INPP5A: variants seen among roughly 807,000 people sequenced by gnomAD.
INPP5A encodes the protein inositol polyphosphate-5-phosphatase A.
INPP5A carries 14 observed loss-of-function variants against 65.2 expected under a neutral mutation model. That is an observed-to-expected ratio of 0.21 (90% confidence interval 0.14 to 0.34). INPP5A has a LOEUF of 0.34. Ranked by LOEUF, INPP5A falls within the 10% of genes least tolerant of loss-of-function variation. The probability of loss-of-function intolerance (pLI) is 1.00; values close to 1 mark genes in which losing one functional copy is unlikely to be tolerated. For missense variants in INPP5A, 431 were observed against 545.6 expected, an observed-to-expected ratio of 0.79 and a Z score of 2.09; for synonymous variants, 207 against 208.3, an observed-to-expected ratio of 0.99 and a Z score of 0.05.
intron 12 of INPP5A, among the ~76,000 whole-genome samples, chr10:132,766,082 G>T (rs1295297412): frequency 3.3e-5 from 5 of 151,876 alleles, no homozygotes; most frequent in Non-Finnish European, 7.4e-5. Context: ...GTGCACATGT[G>T]CACGAGTGTG....
At chr10:132,764,178 A>G (rs922615129) in intron 11 of INPP5A, among the ~76,000 whole-genome samples, 5 of 152,260 alleles carry the variant, frequency 3.3e-5, no homozygotes, top group African/African-American at 9.6e-5. Flanking sequence ...GCACAGGGTA[A>G]TGACTGTGTG....
intron 1 of INPP5A, among the ~76,000 whole-genome samples, chr10:132,596,851 GTGTGTGC>G (rs1590855956): frequency 1.7e-5 from 2 of 118,270 alleles, no homozygotes; most frequent in East Asian, 6.6e-4. Flanking sequence ...GTGCATGCGT[GTGTGTGC>G]ATGTGTGTGC....
intron 9 of INPP5A, among the ~76,000 whole-genome samples, chr10:132,734,987 C>T (rs998389748): frequency 1.7e-4 from 26 of 152,158 alleles, no homozygotes; most frequent in African/African-American, 5.5e-4. Flanking sequence ...CACACAGAGG[C>T]GGGCAGGGCC....
Position 132,749,506 on chromosome 10 carries a change from T to C in INPP5A, c.733-11T>C. On this transcript the variant is annotated splice_polypyrimidine_tract_variant and intron_variant, in intron 9 of 15. Transcript: ENST00000368594. ...CCCCTGGGACTTATCTCCGTTGCTG[T>C]CTTTCTGCAGACGCTCTGCACAAAA... is the stretch of plus-strand genomic sequence containing the variant. 6 of 1,612,420 alleles carry C rather than the reference T, an allele frequency of 3.7e-6. No individual in the cohort carries two copies. The highest frequency in any genetic ancestry group is 5.1e-6 in the Non-Finnish European group (6 of 1,179,616).
At chr10:132,592,849 T>C (rs2133316582) in intron 1 of INPP5A, among the ~76,000 whole-genome samples, 1 of 152,358 alleles carries the variant, frequency 6.6e-6, no homozygotes, top group South Asian at 2.1e-4. Context: ...TGTTGTTTCA[T>C]GCTTCTGTAG....
rs537617904 is a variant in INPP5A at position 132,749,119 on chromosome 10, C to G, written c.733-398C>G. Reference sequence around the variant, plus strand: ...CCCGTTGTCACAGTCGAACAGCTCTCGAGGGAGTTCAGGGACGGGAGAGAG... The same window carrying G: ...CCCGTTGTCACAGTCGAACAGCTCTGGAGGGAGTTCAGGGACGGGAGAGAG... On this transcript the variant is annotated intron_variant, in intron 9 of 15. Coordinates refer to ENST00000368594, the MANE Select transcript of INPP5A (RefSeq NM_005539.5). Among the ~76,000 whole-genome samples, 3 of 152,374 alleles carry G rather than the reference C, an allele frequency of 2.0e-5. No homozygotes were observed. The East Asian group carries it at 5.8e-4, about 29-fold the overall frequency.
chr10:132,562,100 G>T (rs919543917), intron 1 of INPP5A, among the ~76,000 whole-genome samples: 1 of 152,268 alleles, frequency 6.6e-6, no homozygotes, highest in African/African-American at 2.4e-5. Context: ...AGGCTTGGCG[G>T]CCTCCTGTGA....
chr10:132,717,293 G>A (rs996879669), intron 8 of INPP5A, among the ~76,000 whole-genome samples: 1 of 151,750 alleles, frequency 6.6e-6, no homozygotes, highest in African/African-American at 2.4e-5. Flanking sequence ...AAAGGGTTGG[G>A]GCTCCGAGGC....
At position 132,551,801 on chromosome 10, in the gene INPP5A, C is replaced by G. The variant is rs541199777; in HGVS notation, c.75+13630C>G. ...CCAGGGGGACAGAGGCAGGACTGACCAAGACTGTCAGAAGAGCCAGCCGGG... is the reference window on the plus strand; with the variant it reads ...CCAGGGGGACAGAGGCAGGACTGACGAAGACTGTCAGAAGAGCCAGCCGGG... On this transcript the variant is annotated intron_variant, in intron 1 of 15. Coordinates refer to ENST00000368594, the MANE Select transcript of INPP5A (RefSeq NM_005539.5). This position sits in a 1 kb window ranked among gnomAD's most constrained non-coding sequence, Gnocchi z 5.3. 3.9e-5 allele frequency among the ~76,000 whole-genome samples: 6 copies of G among 152,298 alleles called. No homozygotes were observed. In the East Asian group the frequency reaches 7.7e-4, roughly 20 times the overall value.
intron 1 of INPP5A, among the ~76,000 whole-genome samples, chr10:132,559,041 G>T (rs957901761): frequency 6.6e-6 from 1 of 152,182 alleles, no homozygotes. Flanking sequence ...TCTGGCCCAT[G>T]CCCTCTCTGT....
intron 12 of INPP5A, among the ~76,000 whole-genome samples, chr10:132,766,936 G>A (rs983873175): frequency 4.8e-5 from 7 of 146,664 alleles, no homozygotes; most frequent in South Asian, 2.2e-4. Context: ...CCGGAGGTGC[G>A]GCCTCAGGGA....
At chr10:132,667,627 A>G (rs529515783) in intron 4 of INPP5A, among the ~76,000 whole-genome samples, 70 of 152,348 alleles carry the variant, frequency 4.6e-4, no homozygotes, top group Non-Finnish European at 6.3e-4. Context: ...GCAAATAATG[A>G]CATTTGAATC....
Position 132,782,844 on chromosome 10 carries a change from T to C in INPP5A, c.*815T>C, listed in dbSNP as rs1409058657. ...CCAGCGGGCCGTTACTCCCATGCCG[T>C]TCTTCTGTGTAATATTAAGAACTGA... On this transcript the variant is annotated 3_prime_UTR_variant, in exon 16 of 16. Coordinates refer to ENST00000368594, the MANE Select transcript of INPP5A (RefSeq NM_005539.5). The surrounding 1 kb of genome is among the most constrained non-coding windows in gnomAD (Gnocchi z 4.4). The C allele has an allele frequency of 6.6e-6, 1 of 152,308 alleles. No individual in the cohort carries two copies. The highest frequency in any genetic ancestry group is 2.4e-5 in the African/African-American group (1 of 41,416). 9.4% of individuals were successfully genotyped at this position (152,308 alleles called of 1,614,324 possible).
intron 2 of INPP5A, among the ~76,000 whole-genome samples, chr10:132,641,946 A>G (rs2072431500): frequency 6.6e-6 from 1 of 152,200 alleles, no homozygotes; most frequent in East Asian, 1.9e-4. Context: ...ACCCCTGTGC[A>G]TGGTCAGGGT....
At chr10:132,638,925 TAA>T (rs1258694178) in intron 2 of INPP5A, among the ~76,000 whole-genome samples, 2 of 152,216 alleles carry the variant, frequency 1.3e-5, no homozygotes, top group Non-Finnish European at 2.9e-5. Context: ...TCTCTCTATA[TAA>T]GTTACATATA....
In INPP5A at chr10:132,545,624, G is replaced by C. The variant is rs1465680240; in HGVS notation, c.75+7453G>C. Among the ~76,000 whole-genome samples the C allele has an allele frequency of 6.6e-6, 1 of 152,230 alleles. No individual in the cohort carries two copies. Among genetic ancestry groups the C allele is most frequent in the African/African-American group, 2.4e-5 (1 of 41,462 alleles). On this transcript the variant is annotated intron_variant, in intron 1 of 15. Coordinates refer to ENST00000368594, the MANE Select transcript of INPP5A (RefSeq NM_005539.5). The surrounding 1 kb of genome is among the most constrained non-coding windows in gnomAD (Gnocchi z 4.6). ...GGGGAAGAGGGTGCGGAACAGGCAG[G>C]CTGTTCCCATGCGGACCTGAAAGTG... is the stretch of plus-strand genomic sequence containing the variant.
At chr10:132,665,865 G>C (rs1430904745) in intron 4 of INPP5A, among the ~76,000 whole-genome samples, 2 of 152,076 alleles carry the variant, frequency 1.3e-5, no homozygotes, top group Non-Finnish European at 2.9e-5. Flanking sequence ...GACCAGCCTG[G>C]CCAACATGGG....
chr10:132,674,499 C>T lies in INPP5A; in HGVS notation c.307-15893C>T, dbSNP rs2072936723. On this transcript the variant is annotated intron_variant, in intron 4 of 15. Coordinates refer to ENST00000368594, the MANE Select transcript of INPP5A (RefSeq NM_005539.5). This position sits in a 1 kb window ranked among gnomAD's most constrained non-coding sequence, Gnocchi z 4.4. ...GTGAACCAGGCCCCGGTCTTCTCTT[C>T]CTCTGTCAGCTGATCATAGGGAACT... Among the ~76,000 whole-genome samples the T allele has an allele frequency of 6.6e-6, 1 of 152,220 alleles. No individual in the cohort carries two copies. Among genetic ancestry groups the T allele is most frequent in the Non-Finnish European group, 1.5e-5 (1 of 68,036 alleles).
chr10:132,565,723 G>A (rs2071265406), intron 1 of INPP5A, among the ~76,000 whole-genome samples: 2 of 143,974 alleles, frequency 1.4e-5, no homozygotes, highest in Non-Finnish European at 3.2e-5. Context: ...CTGAGTTTGT[G>A]TGTGTGTGTG....
Sources: gnomAD v4.1 joint callset for allele counts (sites outside exome capture counted in the v4.1 genomes callset) on GRCh38, gnomAD v4.1.1 for gene constraint, Gnocchi (gnomAD v3.1) non-coding constraint, MANE v1.5 for transcripts, NCBI Gene and HGNC (gene_info 2026-07-23, HGNC 2026-07-21) for gene names.